Variants in EFL1 observed in about 807,000 individuals in gnomAD.
The protein encoded by EFL1 is elongation factor-like GTPase 1.
EFL1 carries 76 observed loss-of-function variants against 126.7 expected under a neutral mutation model. The ratio of observed to expected loss-of-function variants is 0.60; its 90% CI spans 0.50 to 0.73. The LOEUF is 0.73. Among genes scored for constraint, EFL1 ranks in the 30% least tolerant of loss-of-function variants. The probability of loss-of-function intolerance (pLI) is 0.00; values close to 1 mark genes in which losing one functional copy is unlikely to be tolerated. For missense variants in EFL1, 1,128 were observed against 1,343.2 expected (o/e 0.84, Z 2.50); for synonymous variants, 410 against 448.4 (o/e 0.91, Z 1.08).
At chr15:82,193,604 G>T (rs1471712587) in intron 15 of EFL1, among the ~76,000 whole-genome samples, 4 of 152,396 alleles carry the variant, frequency 2.6e-5, no homozygotes, top group African/African-American at 9.6e-5. Flanking sequence ...ACAAAAAGAT[G>T]ACTCATTTTG....
chr15:82,217,947 G>A (rs1284368881), intron 14 of EFL1, among the ~76,000 whole-genome samples: 1 of 152,200 alleles, frequency 6.6e-6, no homozygotes, highest in Non-Finnish European at 1.5e-5. Flanking sequence ...TGGCCTCTAG[G>A]AGCTGAGGGC....
At chr15:82,222,602 G>GT (rs1216495288) in intron 12 of EFL1, among the ~76,000 whole-genome samples, 1 of 152,150 alleles carries the variant, frequency 6.6e-6, no homozygotes, top group Non-Finnish European at 1.5e-5. Flanking sequence ...CATCCATCCA[G>GT]TTAACAACTA....
intron 15 of EFL1, among the ~76,000 whole-genome samples, chr15:82,208,870 C>A (rs1357613707): frequency 6.6e-6 from 1 of 151,862 alleles, no homozygotes; most frequent in Non-Finnish European, 1.5e-5. Flanking sequence ...AACTAAAACA[C>A]CAGAAGTATT....
At chr15:82,261,392 T>A (rs930175202) in intron 2 of EFL1, among the ~76,000 whole-genome samples, 3 of 152,196 alleles carry the variant, frequency 2.0e-5, no homozygotes, top group African/African-American at 7.2e-5. Flanking sequence ...GGACATTATG[T>A]CAAGACTACA....
chr15:82,226,153 ATTGTTG>A (rs71695485), intron 11 of EFL1, among the ~76,000 whole-genome samples: 18 of 151,912 alleles, frequency 1.2e-4, no homozygotes, highest in Non-Finnish European at 2.4e-4. Flanking sequence ...TAGTTGTTTC[ATTGTTG>A]TTGTTGTTGT....
intron 4 of EFL1, among the ~76,000 whole-genome samples, chr15:82,245,142 C>G (rs1479865974): frequency 6.6e-6 from 1 of 151,706 alleles, no homozygotes; most frequent in Non-Finnish European, 1.5e-5. Context: ...ACAGGAAATA[C>G]TACTTTTTTT....
chr15:82,178,316 G>T (rs2074215673), intron 15 of EFL1, among the ~76,000 whole-genome samples: 1 of 152,086 alleles, frequency 6.6e-6, no homozygotes, highest in Admixed American at 6.5e-5. Flanking sequence ...GTTCATACGG[G>T]GCCTTATTTG....
intron 15 of EFL1, among the ~76,000 whole-genome samples, chr15:82,182,804 G>A (rs2074265493): frequency 6.6e-6 from 1 of 151,260 alleles, no homozygotes; most frequent in African/African-American, 2.4e-5. Flanking sequence ...CAGCCTGGGC[G>A]ACAGAGCCAG....
chr15:82,198,050 G>A (rs527728560), intron 15 of EFL1, among the ~76,000 whole-genome samples: 15 of 152,294 alleles, frequency 9.8e-5, no homozygotes, highest in African/African-American at 3.4e-4. Flanking sequence ...TTAACCCTAA[G>A]GCCCTTTATA....
chr15:82,137,350 C>T (rs969112800), intron 19 of EFL1, among the ~76,000 whole-genome samples: 1 of 152,034 alleles, frequency 6.6e-6, no homozygotes, highest in African/African-American at 2.4e-5. Context: ...ATCATGAGTT[C>T]TGCTGAAATA....
At chr15:82,239,205 T>C (rs2074905264) in intron 6 of EFL1, among the ~76,000 whole-genome samples, 2 of 152,134 alleles carry the variant, frequency 1.3e-5, no homozygotes, top group Admixed American at 6.5e-5. Context: ...GGCGTGATCT[T>C]GGCTCACCAC....
At chr15:82,260,471 A>T (rs1383763993) in intron 2 of EFL1, among the ~76,000 whole-genome samples, 2 of 152,174 alleles carry the variant, frequency 1.3e-5, no homozygotes, top group African/African-American at 4.8e-5. Flanking sequence ...CATCCTAAGC[A>T]TGTCTACCAA....
At chr15:82,178,130 A>G (rs1028278492) in intron 15 of EFL1, among the ~76,000 whole-genome samples, 1 of 152,256 alleles carries the variant, frequency 6.6e-6, no homozygotes, top group Non-Finnish European at 1.5e-5. Flanking sequence ...TTTATCAGCA[A>G]CAAACTAAAG....
chr15:82,202,155 T>C (rs562667330), intron 15 of EFL1, among the ~76,000 whole-genome samples: 15 of 152,304 alleles, frequency 9.8e-5, no homozygotes, highest in African/African-American at 3.4e-4. Flanking sequence ...AGAGGGAAAG[T>C]CAGAGTTTCA....
At chr15:82,231,939 C>T (rs2074826538) in intron 7 of EFL1, among the ~76,000 whole-genome samples, 1 of 152,176 alleles carries the variant, frequency 6.6e-6, no homozygotes, top group Admixed American at 6.5e-5. Flanking sequence ...CTCCTCCTGG[C>T]TTCCGGTGTT....
At chr15:82,166,655 T>C (rs931935892) in intron 15 of EFL1, among the ~76,000 whole-genome samples, 2 of 152,214 alleles carry the variant, frequency 1.3e-5, no homozygotes, top group Admixed American at 6.5e-5. Context: ...CAACTTTTTG[T>C]TTTTAAAAAT....
chr15:82,152,105 C>G lies in EFL1; in HGVS notation c.2349G>C (p.Leu783Phe). Residue 783 changes from leucine to phenylalanine, a missense_variant, in exon 18 of 20, where the codon TTG becomes TTC. Leu to Phe is a conservative substitution (Grantham distance 22, BLOSUM62 0). Around this residue, in one of 6 missense-constraint regions of EFL1, gnomAD observed 561 missense variants for 641.7 expected, o/e 0.87. Coordinates refer to ENST00000268206, the MANE Select transcript of EFL1 (RefSeq NM_024580.6). The part of the protein sequence containing the change: ...IRSMEQLTSS[L>F]NEGENTHMIH... Reference sequence around the variant, plus strand: ...TCATGTGAGTATTTTCACCCTCATTCAAAGAGGATGTCAACTGCTCCATAG... The same window carrying G: ...TCATGTGAGTATTTTCACCCTCATTGAAAGAGGATGTCAACTGCTCCATAG... The G allele has an allele frequency of 6.2e-7, 1 of 1,614,102 alleles. No homozygotes were observed. The highest frequency in any genetic ancestry group is 8.5e-7 in the Non-Finnish European group (1 of 1,180,032).
intron 8 of EFL1, among the ~76,000 whole-genome samples, chr15:82,229,507 A>G (rs1261088382): frequency 6.6e-6 from 1 of 152,208 alleles, no homozygotes; most frequent in Non-Finnish European, 1.5e-5. Flanking sequence ...CTAAAGGTTC[A>G]CAAGGATAGG....
Position 82,151,899 on chromosome 15 carries a change from G to C in EFL1, c.2555C>G (p.Ala852Gly). 1.9e-6 allele frequency: 3 copies of C among 1,614,050 alleles called. No individual in the cohort carries two copies. Among genetic ancestry groups the C allele is most frequent in the Non-Finnish European group, 2.5e-6 (3 of 1,180,026 alleles). The change falls in exon 18 of 20, where the codon GCT (alanine) becomes GGT (glycine). Residue 852 changes from alanine (A) to glycine (G), a missense_variant. Physicochemically the swap from Ala to Gly is moderately conservative, Grantham distance 60. This residue lies in a region of EFL1 where 561 missense variants were observed against 641.7 expected (regional missense o/e 0.87). Coordinates refer to ENST00000268206, the MANE Select transcript of EFL1 (RefSeq NM_024580.6). ...ACTGGCTTCTTTTGAAGCTTTGTCA[G>C]CTGGACCTGTCCATACTGAGTTCTG... ...DFQNSVWTGP[A>G]DKASKEASRY...
Sources: allele counts gnomAD v4.1 joint callset (sites outside exome capture counted in the v4.1 genomes callset), GRCh38; gene constraint gnomAD v4.1.1; regional missense constraint gnomAD v4.1.1; transcripts MANE v1.5; gene names NCBI Gene and HGNC (gene_info 2026-07-23, HGNC 2026-07-21).